The following ZNF704 variants were observed in gnomAD, a reference collection of about 807,000 sequenced individuals.
ZNF704 encodes the protein zinc finger protein 704.
ZNF704 carries 10 observed loss-of-function variants against 44.7 expected under a neutral mutation model. The ratio of observed to expected loss-of-function variants is 0.22; its 90% CI spans 0.14 to 0.38. The LOEUF (loss-of-function observed/expected upper bound fraction) is 0.38, where lower values mean the gene tolerates loss of function less well. Among genes scored for constraint, ZNF704 ranks in the 10% least tolerant of loss-of-function variants. The pLI is 1.00. For missense variants in ZNF704, 390 were observed against 545.5 expected, an observed-to-expected ratio of 0.71 and a Z score of 2.84; for synonymous variants, 211 against 207.6, an observed-to-expected ratio of 1.02 and a Z score of -0.14.
At chr8:80,867,417 C>T (rs535071598) in intron 1 of ZNF704, among the ~76,000 whole-genome samples, 6 of 152,148 alleles carry the variant, frequency 3.9e-5, no homozygotes, top group Non-Finnish European at 5.9e-5. Context: ...AAGAAACCAA[C>T]CCAGAACTGA....
intron 2 of ZNF704, among the ~76,000 whole-genome samples, chr8:80,752,035 T>C (rs974479799): frequency 6.6e-6 from 1 of 152,154 alleles, no homozygotes; most frequent in Non-Finnish European, 1.5e-5. Context: ...TGAGCCACCA[T>C]GCCTGGCCCC....
chr8:80,727,102 G>A (rs1806494104), intron 2 of ZNF704, among the ~76,000 whole-genome samples: 1 of 152,186 alleles, frequency 6.6e-6, no homozygotes, highest in African/African-American at 2.4e-5. Flanking sequence ...ACATATATCT[G>A]TGTTGGAATA....
intron 2 of ZNF704, among the ~76,000 whole-genome samples, chr8:80,725,976 A>T (rs1343224885): frequency 1.3e-5 from 2 of 152,218 alleles, no homozygotes; most frequent in Non-Finnish European, 2.9e-5. Flanking sequence ...TAAATCTAAG[A>T]TGAAACAAGC....
chr8:80,757,962 T>C (rs551940064), intron 2 of ZNF704, among the ~76,000 whole-genome samples: 1 of 152,186 alleles, frequency 6.6e-6, no homozygotes, highest in African/African-American at 2.4e-5. Flanking sequence ...CCTATCCCCA[T>C]AGTTAAGTGA....
intron 3 of ZNF704, among the ~76,000 whole-genome samples, chr8:80,689,552 C>T (rs1481505446): frequency 6.6e-6 from 1 of 152,160 alleles, no homozygotes; most frequent in African/African-American, 2.4e-5. Context: ...TAATATAAGG[C>T]TTGATGATTT....
At chr8:80,671,990 T>G (rs758212045) in intron 4 of ZNF704, among the ~76,000 whole-genome samples, 2 of 152,180 alleles carry the variant, frequency 1.3e-5, no homozygotes, top group African/African-American at 4.8e-5. Context: ...CTTCTCAGAA[T>G]AGTGGTTTTT....
At chr8:80,719,336 T>G (rs895672769) in intron 2 of ZNF704, among the ~76,000 whole-genome samples, 8 of 152,180 alleles carry the variant, frequency 5.3e-5, no homozygotes, top group African/African-American at 1.9e-4. Context: ...GAGGAAGTCA[T>G]TAGTGACATC....
At position 80,752,889 on chromosome 8, in the gene ZNF704, C is replaced by T. The variant is rs141855164; in HGVS notation, c.222-59782G>A. The stretch of plus-strand genomic sequence containing the variant: ...GCATTTTCAAGCCAGTCTAATAATC[C>T]CACCAGTTCCATTTCCTTTCAGTTG... On this transcript the variant is annotated intron_variant, in intron 2 of 8. Transcript: ENST00000327835. 2.0e-3 allele frequency among the ~76,000 whole-genome samples: 305 copies of T among 152,260 alleles called. 2 individuals are homozygous for T. Among genetic ancestry groups the T allele is most frequent in the African/African-American group, 7.0e-3 (289 of 41,546 alleles).
At chr8:80,649,469 T>C (rs1817880720) in intron 7 of ZNF704, among the ~76,000 whole-genome samples, 1 of 152,192 alleles carries the variant, frequency 6.6e-6, no homozygotes, top group South Asian at 2.1e-4. Context: ...CCCACCCTAA[T>C]ACTGCGCTTT....
At chr8:80,740,898 A>G (rs112750154) in intron 2 of ZNF704, among the ~76,000 whole-genome samples, 5,186 of 152,326 alleles carry the variant, frequency 0.034, 330 homozygotes, top group African/African-American at 0.12. Flanking sequence ...ATTTACTTCT[A>G]GCCGCCCATT....
At chr8:80,701,738 A>G (rs1409426690) in intron 2 of ZNF704, among the ~76,000 whole-genome samples, 1 of 152,208 alleles carries the variant, frequency 6.6e-6, no homozygotes, top group Admixed American at 6.5e-5. Context: ...TAAGTGATGT[A>G]GAGAGATCAA....
chr8:80,837,478 TAA>T (rs1450671599), intron 1 of ZNF704, among the ~76,000 whole-genome samples: 1 of 152,148 alleles, frequency 6.6e-6, no homozygotes, highest in Non-Finnish European at 1.5e-5. Flanking sequence ...AAGACATGGT[TAA>T]AGTTACATAA....
At chr8:80,816,248 C>T (rs1179008478) in intron 2 of ZNF704, among the ~76,000 whole-genome samples, 3 of 152,182 alleles carry the variant, frequency 2.0e-5, no homozygotes, top group African/African-American at 4.8e-5. Context: ...AGTGATCTTC[C>T]ACTGAGATGA....
At chr8:80,772,083 A>G (rs1166607338) in intron 2 of ZNF704, among the ~76,000 whole-genome samples, 1 of 152,180 alleles carries the variant, frequency 6.6e-6, no homozygotes, top group African/African-American at 2.4e-5. Context: ...CTTGTCATGG[A>G]GTACCATTAA....
rs556719007 is a variant in ZNF704, at chr8:80,870,199, A to G, written c.-22+4372T>C. Among the ~76,000 whole-genome samples, 6 of 152,312 alleles carry G rather than the reference A, an allele frequency of 3.9e-5. No homozygotes were observed. In the East Asian group the frequency reaches 9.6e-4, roughly 24 times the overall value. On this transcript the variant is annotated intron_variant, in intron 1 of 8. Transcript: ENST00000327835. ...TTTAAAGCAAAAAAAAATTTGTAGTAATTTGTTACACTACACTACAATAGA... is the reference window on the plus strand; with the variant it reads ...TTTAAAGCAAAAAAAAATTTGTAGTGATTTGTTACACTACACTACAATAGA...
chr8:80,749,237 T>C (rs1472530302), intron 2 of ZNF704, among the ~76,000 whole-genome samples: 1 of 152,124 alleles, frequency 6.6e-6, no homozygotes, highest in Non-Finnish European at 1.5e-5. Context: ...CTTGAATTCC[T>C]GACCTCAAGA....
At chr8:80,798,194 T>A (rs183963685) in intron 2 of ZNF704, among the ~76,000 whole-genome samples, 68 of 151,282 alleles carry the variant, frequency 4.5e-4, no homozygotes, top group Non-Finnish European at 9.7e-4. Context: ...CCTTTACACA[T>A]GTTTCCAATA....
In ZNF704 at chr8:80,637,435, TG is replaced by T. The variant is rs1461221913; in HGVS notation, c.*3930del. On this transcript the variant is annotated 3_prime_UTR_variant, in exon 9 of 9. Transcript: ENST00000327835. ...CAAGTGAATGCTGCACTTTGGAGTC[TG>T]ATGAAGGGGGAACATGGATTCAGCA... The T allele has an allele frequency of 6.6e-6, 1 of 152,226 alleles. No individual in the cohort carries two copies. The highest frequency in any genetic ancestry group is 1.5e-5 in the Non-Finnish European group (1 of 68,064). 9.4% of individuals were successfully genotyped at this position (152,226 alleles called of 1,614,324 possible). A position where few individuals can be genotyped will look rare whatever the true frequency, so the allele number is the denominator to read the frequency against.
chr8:80,659,743 C>T lies in ZNF704; in HGVS notation c.928-54G>A, dbSNP rs905042981. 9 of 1,522,598 alleles carry T rather than the reference C, an allele frequency of 5.9e-6. No individual in the cohort carries two copies. In the African/African-American group the frequency reaches 9.6e-5, roughly 16 times the overall value. 94.3% of individuals were successfully genotyped at this position (1,522,598 alleles called of 1,614,324 possible). A position where few individuals can be genotyped will look rare whatever the true frequency, so the allele number is the denominator to read the frequency against. On this transcript the variant is annotated intron_variant, in intron 6 of 8. Coordinates refer to ENST00000327835, the MANE Select transcript of ZNF704 (RefSeq NM_001033723.3). ...TATGAAGGAATATTTTCCTTCGGAG[C>T]TTTAAGCTCTTATTACCAAAGGAGG...
Sources: allele counts gnomAD v4.1 joint callset (sites outside exome capture counted in the v4.1 genomes callset), GRCh38; gene constraint gnomAD v4.1.1; transcripts MANE v1.5; gene names NCBI Gene and HGNC (gene_info 2026-07-23, HGNC 2026-07-21).